The following IL13RA1 variants were observed in gnomAD, a reference collection of about 807,000 sequenced individuals.
IL13RA1 encodes the protein interleukin 13 receptor subunit alpha 1, also known as interleukin-13 receptor subunit alpha-1.
A neutral mutation model predicts 33.8 loss-of-function variants in IL13RA1; 14 were observed. That is an observed-to-expected ratio of 0.41 (90% CI 0.27 to 0.65). The LOEUF (loss-of-function observed/expected upper bound fraction) is 0.65. Ranked by LOEUF, IL13RA1 falls within the 30% of genes least tolerant of loss-of-function variation. The pLI is 0.28. For missense variants in IL13RA1, 313 were observed against 327.0 expected (o/e 0.96, Z 0.33); for synonymous variants, 116 against 115.7 (o/e 1.00, Z -0.02).
chrX:118,748,549 G>A (rs1453880185), intron 3 of IL13RA1, among the ~76,000 whole-genome samples: 2 of 109,599 alleles, frequency 1.8e-5, no homozygotes, highest in African/African-American at 6.7e-5. Context: ...AGGAGGCTGA[G>A]GCAGGAGAAT....
rs1421767760 is a variant in IL13RA1 at position 118,727,700 on chromosome X, G to A, written c.62G>A (p.Gly21Asp). 10 of 893,936 alleles carry A rather than the reference G, an allele frequency of 1.1e-5. No individual in the cohort carries two copies. Among genetic ancestry groups the A allele is most frequent in the South Asian group, 1.2e-4 (2 of 16,291 alleles). 73.7% of individuals were successfully genotyped at this position (893,936 alleles called of 1,213,427 possible). ...CTGCTGCTCTGCGCCGGCGGCGGGGGCGGGGGCGGGGGCGCCGCGCCTACG... is the reference window on the plus strand; with the variant it reads ...CTGCTGCTCTGCGCCGGCGGCGGGGACGGGGGCGGGGGCGCCGCGCCTACG... ...WALLLCAGGG[G>D]GGGGAAPTET... Residue 21 changes from glycine (G) to aspartate (D), a missense_variant, in exon 1 of 11, where the codon GGC becomes GAC. Transcript: ENST00000371666.
At chrX:118,769,758 C>A in intron 8 of IL13RA1, 1 of 117,181 alleles carries the variant, frequency 8.5e-6, no homozygotes, top group South Asian at 3.3e-4. Context: ...GGAGGCCTCC[C>A]GTGGCTGGGC....
downstream of IL13RA1, among the ~76,000 whole-genome samples, chrX:118,796,363 G>T (rs1050363150): frequency 1.8e-5 from 2 of 111,723 alleles, no homozygotes; most frequent in African/African-American, 6.5e-5. Flanking sequence ...AAGCAAGTCA[G>T]CCTGACTTTA....
At chrX:118,767,725 A>G (rs933855502) in intron 8 of IL13RA1, among the ~76,000 whole-genome samples, 1 of 111,752 alleles carries the variant, frequency 8.9e-6, no homozygotes, top group African/African-American at 3.3e-5. Flanking sequence ...CAGGACTGGA[A>G]AGACCTGTGC....
intron 10 of IL13RA1, among the ~76,000 whole-genome samples, chrX:118,788,212 C>T (rs779468380): frequency 8.0e-5 from 9 of 112,008 alleles, no homozygotes; most frequent in South Asian, 3.7e-4. Context: ...CCTGACTTCA[C>T]GCAACACTTT....
At position 118,751,637 on chromosome X, in the gene IL13RA1, T is replaced by C. The variant is rs1483323351; in HGVS notation, c.488+1859T>C. Among the ~76,000 whole-genome samples, 3 of 109,796 alleles carry C rather than the reference T, an allele frequency of 2.7e-5. No homozygotes were observed. The East Asian group carries it at 8.6e-4, about 31-fold the overall frequency. ...CTCTGGGGAAGAGCATTTTGAGAAA[T>C]GGAGGTATTTAATCGTTGTGATGTC... On this transcript the variant is annotated intron_variant, in intron 4 of 10. Transcript: ENST00000371666.
chrX:118,765,329 C>G (rs370929479), intron 6 of IL13RA1, among the ~76,000 whole-genome samples: 1 of 107,873 alleles, frequency 9.3e-6, no homozygotes, highest in Non-Finnish European at 1.9e-5. Context: ...TCCTGGCTCT[C>G]GAACTCCTGG....
chrX:118,754,045 T>C (rs765377377), intron 4 of IL13RA1, among the ~76,000 whole-genome samples: 10 of 112,249 alleles, frequency 8.9e-5, no homozygotes, highest in Non-Finnish European at 1.7e-4. Context: ...ATAGCGACCA[T>C]TTCCATAATC....
intron 6 of IL13RA1, among the ~76,000 whole-genome samples, chrX:118,762,147 T>A (rs2017597010): frequency 8.9e-6 from 1 of 112,901 alleles, no homozygotes; most frequent in African/African-American, 3.2e-5. Context: ...GAGTGTACTA[T>A]AATCTCAGGA....
chrX:118,783,112 A>T (rs748295073), intron 10 of IL13RA1, among the ~76,000 whole-genome samples: 3 of 112,104 alleles, frequency 2.7e-5, no homozygotes, highest in Non-Finnish European at 5.6e-5. Context: ...AAAATATCTT[A>T]ACCAAATCTT....
rs754799021 is a variant in IL13RA1, at chrX:118,784,075, G to A, written c.1191+7564G>A. On this transcript the variant is annotated intron_variant, in intron 10 of 10. Coordinates refer to ENST00000371666, the MANE Select transcript of IL13RA1 (RefSeq NM_001560.3). ...TGGGCAACAAAAATGAGACTCTGTC[G>A]CCAAAAAAAAAAAAAATATATATAT... 4.2e-3 allele frequency among the ~76,000 whole-genome samples: 214 copies of A among 50,536 alleles called. 1 individual carries two copies. The highest frequency in any genetic ancestry group is 0.021 in the African/African-American group (203 of 9,650). 43.9% of individuals were successfully genotyped at this position (50,536 alleles called of 115,157 possible).
chrX:118,762,262 G>T (rs2017597967), intron 6 of IL13RA1, among the ~76,000 whole-genome samples: 1 of 112,511 alleles, frequency 8.9e-6, no homozygotes, highest in Non-Finnish European at 1.9e-5. Context: ...TTGTTTACTA[G>T]ATTTGAATTT....
At chrX:118,784,463 TATAAA>T (rs902115692) in intron 10 of IL13RA1, among the ~76,000 whole-genome samples, 26 of 110,523 alleles carry the variant, frequency 2.4e-4, no homozygotes, top group South Asian at 3.7e-4. Flanking sequence ...GAACTTTTGA[TATAAA>T]ATAAATTTTA....
At chrX:118,769,659 T>C (rs1468322019) in intron 8 of IL13RA1, 1 of 112,970 alleles carries the variant, frequency 8.9e-6, no homozygotes, top group Non-Finnish European at 1.9e-5. Flanking sequence ...GTTAATAGTA[T>C]TTAAAACTAG....
intron 2 of IL13RA1, among the ~76,000 whole-genome samples, chrX:118,744,594 T>C (rs1363521780): frequency 9.1e-6 from 1 of 110,459 alleles, no homozygotes; most frequent in African/African-American, 3.3e-5. Flanking sequence ...GTGGAGACAG[T>C]GTTTTGCCAT....
At position 118,744,825 on chromosome X, in the gene IL13RA1, A is replaced by G. The variant is rs142255553; in HGVS notation, c.229-2129A>G. 3.3e-3 allele frequency among the ~76,000 whole-genome samples: 370 copies of G among 112,406 alleles called. 4 individuals carry two copies. Among genetic ancestry groups the G allele is most frequent in the African/African-American group, 0.011 (345 of 31,019 alleles). On this transcript the variant is annotated intron_variant, in intron 2 of 10. Transcript: ENST00000371666. ...TAATATGAAAACTGGGATTATCTTC[A>G]TGATGATTCTAATTTGACTGTATTT...
At chrX:118,745,778 T>G (rs1476127521) in intron 2 of IL13RA1, among the ~76,000 whole-genome samples, 1 of 111,912 alleles carries the variant, frequency 8.9e-6, no homozygotes, top group Non-Finnish European at 1.9e-5. Context: ...GGTGCTCTCC[T>G]TGGAGCTCTG....
At position 118,748,068 on chromosome X, in the gene IL13RA1, C is replaced by CAT. The variant is rs770288338; in HGVS notation, c.367+984_367+985dup. ...ACACAAAAAACATATATATATAACA[C>CAT]ATATATATACTATATATAATATATA... On this transcript the variant is annotated intron_variant, in intron 3 of 10. Transcript: ENST00000371666. Among the ~76,000 whole-genome samples the CAT allele has an allele frequency of 1.1e-3, 108 of 98,096 alleles. 2 individuals are homozygous for CAT. Among genetic ancestry groups the CAT allele is most frequent in the East Asian group, 0.01 (34 of 3,290 alleles). The allele number at this position is 98,096 out of a possible 115,157, so 85.2% of individuals were successfully genotyped here.
intron 3 of IL13RA1, among the ~76,000 whole-genome samples, chrX:118,749,426 A>T (rs2017446716): frequency 9.0e-6 from 1 of 111,550 alleles, no homozygotes; most frequent in South Asian, 3.8e-4. Context: ...TCCCTCAGTG[A>T]TAGGGAAGAT....
Sources: gnomAD v4.1 joint callset for allele counts (sites outside exome capture counted in the v4.1 genomes callset) on GRCh38, gnomAD v4.1.1 for gene constraint, MANE v1.5 for transcripts, NCBI Gene and HGNC (gene_info 2026-07-23, HGNC 2026-07-21) for gene names.